FAM111B: variants seen among roughly 807,000 people sequenced by gnomAD.
The protein encoded by FAM111B is FAM111 trypsin like peptidase B.
A neutral mutation model predicts 2.8 loss-of-function variants in FAM111B; 1 was observed. That is an observed-to-expected ratio of 0.36 (90% CI 0.13 to 1.70). The LOEUF (loss-of-function observed/expected upper bound fraction) is 1.70, where lower values mean the gene tolerates loss of function less well. FAM111B is among the 40% of genes most tolerant of loss of function. The pLI is 0.35. For synonymous variants in FAM111B, 297 were observed against 295.6 expected (o/e 1.00, Z -0.05); for missense variants, 882 against 878.9 (o/e 1.00, Z -0.04).
In FAM111B at chr11:59,124,579, G is replaced by T. The variant is rs1362567215; in HGVS notation, c.482G>T (p.Gly161Val). 1.1e-5 allele frequency: 18 copies of T among 1,613,638 alleles called. No individual in the cohort carries two copies. The highest frequency in any genetic ancestry group is 1.4e-5 in the Non-Finnish European group (16 of 1,179,760). Residue 161 changes from glycine (G) to valine (V), a missense_variant, in exon 4 of 4, where the codon GGT becomes GTT. Coordinates refer to ENST00000343597, the MANE Select transcript of FAM111B (RefSeq NM_198947.4). ...PSDSHFKITFGQRKSSKEDGH... is the reference protein window; with the variant it reads ...PSDSHFKITFVQRKSSKEDGH... Reference sequence around the variant, plus strand: ...GATTCTCATTTTAAAATTACATTTGGTCAAAGAAAGAGTAGCAAAGAAGAT... The same window carrying T: ...GATTCTCATTTTAAAATTACATTTGTTCAAAGAAAGAGTAGCAAAGAAGAT...
At chr11:59,113,424 A>C (rs189363472) in intron 3 of FAM111B, among the ~76,000 whole-genome samples, 1 of 152,326 alleles carries the variant, frequency 6.6e-6, no homozygotes. Flanking sequence ...ATTCTCTCCA[A>C]GGCCACCAGA....
intron 3 of FAM111B, among the ~76,000 whole-genome samples, chr11:59,119,920 C>A (rs370412093): frequency 2.0e-5 from 3 of 151,976 alleles, no homozygotes; most frequent in East Asian, 1.9e-4. Context: ...GGTATCATAT[C>A]TATTTTTGAA....
Position 59,126,077 on chromosome 11 carries a change from A to G in FAM111B, c.1980A>G (p.Lys660=), listed in dbSNP as rs1464104127. ...SGSPVFNASG[K]LVALHTFGLF... is the part of the protein sequence containing the mutation. ...CCCCAGTGTTTAATGCATCTGGCAAATTGGTTGCTTTGCATACCTTTGGGC... is the reference window on the plus strand; with the variant it reads ...CCCCAGTGTTTAATGCATCTGGCAAGTTGGTTGCTTTGCATACCTTTGGGC... Residue 660 remains lysine (K), a synonymous_variant, in exon 4 of 4, where the codon AAA becomes AAG. Transcript: ENST00000343597. 6.2e-7 allele frequency: 1 copy of G among 1,613,824 alleles called. No homozygotes were observed. Among genetic ancestry groups the G allele is most frequent in the South Asian group, 1.1e-5 (1 of 91,058 alleles).
chr11:59,115,680 T>A (rs1302146606), intron 3 of FAM111B, among the ~76,000 whole-genome samples: 3 of 152,088 alleles, frequency 2.0e-5, no homozygotes, highest in African/African-American at 7.2e-5. Context: ...GTGTAGAGTG[T>A]GCAGGCCCAG....
rs1859986458 is a variant in FAM111B at position 59,124,768 on chromosome 11, C to G, written c.671C>G (p.Ala224Gly). Reference protein sequence around the residue: ...YALKGETIEGALCKDGRFRSD... With the variant: ...YALKGETIEGGLCKDGRFRSD... ...TTGAAGGGTGAGACTATTGAAGGAG[C>G]CTTATGCAAGGATGGCCGTTTTCGG... Residue 224 changes from alanine to glycine, a missense_variant, in exon 4 of 4, where the codon GCC becomes GGC. Coordinates refer to ENST00000343597, the MANE Select transcript of FAM111B (RefSeq NM_198947.4). 2 of 1,613,652 alleles carry G rather than the reference C, an allele frequency of 1.2e-6. No homozygotes were observed. Among genetic ancestry groups the G allele is most frequent in the African/African-American group, 2.7e-5 (2 of 74,942 alleles).
At chr11:59,119,020 T>C (rs76644587) in intron 3 of FAM111B, among the ~76,000 whole-genome samples, 1,752 of 152,322 alleles carry the variant, frequency 0.012, 21 homozygotes, top group Middle Eastern at 0.034. Context: ...TTTTTAGTAT[T>C]GTACTCAATG....
At chr11:59,108,343 C>A (rs1252132899) in intron 1 of FAM111B, among the ~76,000 whole-genome samples, 1 of 152,190 alleles carries the variant, frequency 6.6e-6, no homozygotes, top group African/African-American at 2.4e-5. Context: ...CTGCTCTGAT[C>A]AGTACACAGC....
intron 3 of FAM111B, among the ~76,000 whole-genome samples, chr11:59,119,815 T>A (rs1225426447): frequency 3.3e-5 from 5 of 152,122 alleles, no homozygotes; most frequent in African/African-American, 1.2e-4. Context: ...AAAATTTAAT[T>A]TAGCCAATGC....
Position 59,109,571 on chromosome 11 carries a change from T to C in FAM111B, c.-55T>C. On this transcript the variant is annotated 5_prime_UTR_variant, in exon 3 of 4. Transcript: ENST00000343597. ...CAGGTGGCAGAATAAATTCAATCCT[T>C]GTTTCTCCATCTTATCGAGTAGTAG... 8.0e-7 allele frequency: 1 copy of C among 1,246,492 alleles called. No homozygotes were observed. The highest frequency in any genetic ancestry group is 1.1e-6 in the Non-Finnish European group (1 of 889,652). The allele number at this position is 1,246,492 out of a possible 1,614,324, so 77.2% of individuals were successfully genotyped here.
In FAM111B at chr11:59,125,815, T is replaced by C; in HGVS notation, c.1718T>C (p.Leu573Ser). Residue 573 changes from leucine to serine, a missense_variant, in exon 4 of 4, where the codon TTG becomes TCG. Leu to Ser is a moderately radical substitution (Grantham distance 145). Transcript: ENST00000343597. ...ATTTCTCCTCAACCATCTACTGGTT[T>C]GATTTATTTAATTGGTCATCCTGAA... ...RQISPQPSTG[L>S]IYLIGHPEGQ... is the part of the protein sequence containing the mutation. 6.2e-7 allele frequency: 1 copy of C among 1,613,940 alleles called. No homozygotes were observed. The highest frequency in any genetic ancestry group is 8.5e-7 in the Non-Finnish European group (1 of 1,179,842).
intron 3 of FAM111B, among the ~76,000 whole-genome samples, chr11:59,119,151 T>G (rs1859883331): frequency 2.6e-5 from 4 of 152,198 alleles, no homozygotes; most frequent in Admixed American, 2.6e-4. Context: ...CTGACTTAGG[T>G]GATTTCCTCA....
chr11:59,120,636 T>C (rs2135401328), intron 3 of FAM111B, among the ~76,000 whole-genome samples: 1 of 152,332 alleles, frequency 6.6e-6, no homozygotes, highest in South Asian at 2.1e-4. Flanking sequence ...TCTCCTTAGC[T>C]TGTAGTTGGC....
At position 59,126,385 on chromosome 11, in the gene FAM111B, A is replaced by G; in HGVS notation, c.*83A>G. ...CAAAGACACTTAAAGCAATTGCAAC[A>G]AAAGTGAAAATTGGCAAATGAGACC... On this transcript the variant is annotated 3_prime_UTR_variant, in exon 4 of 4. Transcript: ENST00000343597. The G allele has an allele frequency of 2.5e-6, 3 of 1,201,504 alleles. No individual in the cohort carries two copies. The highest frequency in any genetic ancestry group is 3.4e-6 in the Non-Finnish European group (3 of 879,180). The allele number at this position is 1,201,504 out of a possible 1,614,324, so 74.4% of individuals were successfully genotyped here.
intron 3 of FAM111B, among the ~76,000 whole-genome samples, chr11:59,116,224 C>T (rs1198255678): frequency 1.3e-5 from 2 of 152,156 alleles, no homozygotes; most frequent in Non-Finnish European, 2.9e-5. Context: ...ATTCCTCAGT[C>T]ATTTCTGCTT....
chr11:59,112,167 T>G (rs1439551533), intron 3 of FAM111B, among the ~76,000 whole-genome samples: 1 of 152,226 alleles, frequency 6.6e-6, no homozygotes, highest in Admixed American at 6.5e-5. Flanking sequence ...TCCCCACTTG[T>G]GCCCTATTCA....
Position 59,125,125 on chromosome 11 carries a change from C to A in FAM111B, c.1028C>A (p.Pro343His). The change falls in exon 4 of 4, where the codon CCC (proline) becomes CAC (histidine). Residue 343 changes from proline to histidine, a missense_variant. Transcript: ENST00000343597. ...AAAGATAAAACTCGCCAGACAATTC[C>A]CAGGATTAGAAATTATTACTTTTGT... is the stretch of plus-strand genomic sequence containing the variant. ...YIKDKTRQTI[P>H]RIRNYYFCSL... 1.9e-6 allele frequency: 3 copies of A among 1,613,804 alleles called. No homozygotes were observed. The highest frequency in any genetic ancestry group is 2.5e-6 in the Non-Finnish European group (3 of 1,179,814).
In FAM111B at chr11:59,125,500, A is replaced by G. The variant is rs146993043; in HGVS notation, c.1403A>G (p.Asn468Ser). 4.3e-6 allele frequency: 7 copies of G among 1,613,998 alleles called. No homozygotes were observed. In the African/African-American group the frequency reaches 9.3e-5, roughly 22 times the overall value. ...TCAGTTGGGTTCATGCAATGGGACA[A>G]TAATGGAAACACAGGTAATGCTACT... is the stretch of plus-strand genomic sequence containing the variant. ...SKSVGFMQWD[N>S]NGNTGNATCF... is the part of the protein sequence containing the mutation. The change falls in exon 4 of 4, where the codon AAT becomes AGT. Residue 468 changes from asparagine to serine, a missense_variant. Coordinates refer to ENST00000343597, the MANE Select transcript of FAM111B (RefSeq NM_198947.4).
chr11:59,120,301 A>T (rs1321409956), intron 3 of FAM111B, among the ~76,000 whole-genome samples: 1 of 152,224 alleles, frequency 6.6e-6, no homozygotes, highest in Admixed American at 6.5e-5. Flanking sequence ...TCAAGATGTG[A>T]CAATATCTTT....
intron 3 of FAM111B, among the ~76,000 whole-genome samples, chr11:59,118,318 C>T (rs1159838532): frequency 2.0e-5 from 3 of 152,158 alleles, no homozygotes; most frequent in African/African-American, 7.2e-5. Flanking sequence ...TGGGGCATCC[C>T]TCTTCTTGCC....
Sources: allele counts gnomAD v4.1 joint callset (sites outside exome capture counted in the v4.1 genomes callset), GRCh38; gene constraint gnomAD v4.1.1; transcripts MANE v1.5; gene names NCBI Gene and HGNC (gene_info 2026-07-23, HGNC 2026-07-21).